PLPPR4: variants seen among roughly 807,000 people sequenced by gnomAD.
PLPPR4 encodes the protein phospholipid phosphatase related 4.
Under a neutral mutation model 56.6 loss-of-function variants are expected in PLPPR4, and 24 were observed. The ratio of observed to expected loss-of-function variants is 0.42; its 90% CI spans 0.31 to 0.60. The LOEUF is 0.60. Among genes scored for constraint, PLPPR4 ranks in the 20% least tolerant of loss-of-function variants. The pLI is 0.13. For synonymous variants in PLPPR4, 326 were observed against 328.1 expected (o/e 0.99, Z 0.07); for missense variants, 654 against 885.8 (o/e 0.74, Z 3.32).
rs138314790 is a variant in PLPPR4, at chr1:99,283,423, G to T, written c.79-4542G>T. ...TTTGATAAAATGTTTCACTAAAATG[G>T]ATATATAATCTAGATTTGTCTTTTT... is the stretch of plus-strand genomic sequence containing the variant. On this transcript the variant is annotated intron_variant, in intron 1 of 6. Coordinates refer to ENST00000370185, the MANE Select transcript of PLPPR4 (RefSeq NM_014839.5). Among the ~76,000 whole-genome samples, 7 of 152,236 alleles carry T rather than the reference G, an allele frequency of 4.6e-5. No homozygotes were observed. The East Asian group carries it at 1.4e-3, about 29-fold the overall frequency.
At position 99,293,045 on chromosome 1, in the gene PLPPR4, G is replaced by A. The variant is rs185847516; in HGVS notation, c.265-3693G>A. On this transcript the variant is annotated intron_variant, in intron 2 of 6. Coordinates refer to ENST00000370185, the MANE Select transcript of PLPPR4 (RefSeq NM_014839.5). ...AAAAATGGGGTCATGAGAGGGGGTA[G>A]GGAGGTAAGCAGAACTCTCCGTTTG... Among the ~76,000 whole-genome samples the A allele has an allele frequency of 5.3e-5, 8 of 152,284 alleles. No homozygotes were observed. The East Asian group carries it at 9.7e-4, about 18-fold the overall frequency.
chr1:99,280,069 C>T (rs1010467926), intron 1 of PLPPR4, among the ~76,000 whole-genome samples: 2 of 152,092 alleles, frequency 1.3e-5, no homozygotes, highest in East Asian at 1.9e-4. Context: ...AACAGAGTGG[C>T]GTTTTTCAAA....
chr1:99,299,032 T>C lies in PLPPR4; in HGVS notation c.395-3T>C, dbSNP rs1449514688. The stretch of plus-strand genomic sequence containing the variant: ...GTAACAATTTCTTTCATTTTGCCTA[T>C]AGGTGTTCATGTATTTGGATTATGC... On this transcript the variant is annotated splice_polypyrimidine_tract_variant and splice_region_variant and intron_variant, in intron 3 of 6. Coordinates refer to ENST00000370185, the MANE Select transcript of PLPPR4 (RefSeq NM_014839.5). The C allele has an allele frequency of 1.9e-6, 3 of 1,610,214 alleles. No individual in the cohort carries two copies. The highest frequency in any genetic ancestry group is 8.5e-7 in the Non-Finnish European group (1 of 1,176,662).
At chr1:99,305,455 G>A (rs752903412) in intron 6 of PLPPR4, among the ~76,000 whole-genome samples, 53 of 152,172 alleles carry the variant, frequency 3.5e-4, no homozygotes, top group Non-Finnish European at 7.1e-4. Flanking sequence ...ACATCCAGTA[G>A]GATGGAGAAA....
Position 99,307,003 on chromosome 1 carries a change from A to G in PLPPR4, c.2141A>G (p.Lys714Arg). The G allele has an allele frequency of 1.3e-6, 2 of 1,593,272 alleles. No homozygotes were observed. Among genetic ancestry groups the G allele is most frequent in the Admixed American group, 3.4e-5 (2 of 59,024 alleles). ...YKGTSPTRAY[K>R]D Reference sequence around the variant, plus strand: ...GGAACCTCCCCCACACGGGCTTATAAGGATTGAGTGATGTCCATTCCATCA... The same window carrying G: ...GGAACCTCCCCCACACGGGCTTATAGGGATTGAGTGATGTCCATTCCATCA... Residue 714 changes from lysine to arginine, a missense_variant, in exon 7 of 7, where the codon AAG becomes AGG. Coordinates refer to ENST00000370185, the MANE Select transcript of PLPPR4 (RefSeq NM_014839.5).
chr1:99,289,717 C>T (rs1004751693), intron 2 of PLPPR4, among the ~76,000 whole-genome samples: 8 of 151,926 alleles, frequency 5.3e-5, no homozygotes, highest in South Asian at 2.1e-4. Context: ...TCAATAGATG[C>T]GGAAAAGGTT....
chr1:99,283,315 C>T (rs1339979233), intron 1 of PLPPR4, among the ~76,000 whole-genome samples: 1 of 152,026 alleles, frequency 6.6e-6, no homozygotes, highest in Non-Finnish European at 1.5e-5. Context: ...AGTGAACTCT[C>T]CCCAGTGAAA....
chr1:99,280,460 C>A (rs1156416234), intron 1 of PLPPR4, among the ~76,000 whole-genome samples: 1 of 152,122 alleles, frequency 6.6e-6, no homozygotes, highest in Non-Finnish European at 1.5e-5. Context: ...TTCTTGATTT[C>A]TTTCAATTAA....
rs1210021229 is a variant in PLPPR4, at chr1:99,307,169, A to C, written c.*159A>C. 1.2e-6 allele frequency: 1 copy of C among 808,256 alleles called. No homozygotes were observed. Among genetic ancestry groups the C allele is most frequent in the Non-Finnish European group, 1.9e-6 (1 of 517,988 alleles). The allele number at this position is 808,256 out of a possible 1,614,324, so 50.1% of individuals were successfully genotyped here. A position where few individuals can be genotyped will look rare whatever the true frequency, so the allele number is the denominator to read the frequency against. On this transcript the variant is annotated 3_prime_UTR_variant, in exon 7 of 7. Coordinates refer to ENST00000370185, the MANE Select transcript of PLPPR4 (RefSeq NM_014839.5). ...AGAACTGCTATACTCAAACTTGCAG[A>C]TCTCACATCAAGGAGAGGGAAAAGC...
chr1:99,281,816 T>A (rs1659335433), intron 1 of PLPPR4, among the ~76,000 whole-genome samples: 1 of 152,212 alleles, frequency 6.6e-6, no homozygotes, highest in African/African-American at 2.4e-5. Context: ...TTTATAAAGT[T>A]GGTTCCAAGC....
At chr1:99,281,576 T>C (rs1423645621) in intron 1 of PLPPR4, among the ~76,000 whole-genome samples, 1 of 152,160 alleles carries the variant, frequency 6.6e-6, no homozygotes, top group Non-Finnish European at 1.5e-5. Context: ...AAGAAAATAT[T>C]AATCTGTATT....
chr1:99,269,839 T>C (rs1659004320), intron 1 of PLPPR4, among the ~76,000 whole-genome samples: 4 of 152,290 alleles, frequency 2.6e-5, no homozygotes, highest in Admixed American at 2.6e-4. Context: ...GACACATATG[T>C]ATGCACACAC....
chr1:99,305,977 C>T lies in PLPPR4; in HGVS notation c.1115C>T (p.Ala372Val). 1.2e-6 allele frequency: 2 copies of T among 1,614,130 alleles called. No individual in the cohort carries two copies. Among genetic ancestry groups the T allele is most frequent in the African/African-American group, 1.3e-5 (1 of 75,020 alleles). The change falls in exon 7 of 7, where the codon GCC becomes GTC. Residue 372 changes from alanine to valine, a missense_variant. Transcript: ENST00000370185. ...MVTFSNTLPR[A>V]NTPSVEDPVR... Reference sequence around the variant, plus strand: ...ACCTTCAGCAATACCTTGCCGCGAGCCAATACCCCATCTGTAGAAGACCCT... The same window carrying T: ...ACCTTCAGCAATACCTTGCCGCGAGTCAATACCCCATCTGTAGAAGACCCT...
Position 99,306,091 on chromosome 1 carries a change from G to T in PLPPR4, c.1229G>T (p.Arg410Leu). 1 of 1,614,112 alleles carries T rather than the reference G, an allele frequency of 6.2e-7. No individual in the cohort carries two copies. The highest frequency in any genetic ancestry group is 8.5e-7 in the Non-Finnish European group (1 of 1,180,016). ...LTQWKNKNES[R>L]KLSLQVIEPE... ...CAGTGGAAGAATAAGAATGAAAGTC[G>T]AAAGTTGTCCTTGCAAGTTATAGAG... is the stretch of plus-strand genomic sequence containing the variant. The change falls in exon 7 of 7, where the codon CGA becomes CTA. Residue 410 changes from arginine (R) to leucine (L), a missense_variant. This residue lies in a region of PLPPR4 where 468 missense variants were observed against 554.3 expected (regional missense o/e 0.84). Coordinates refer to ENST00000370185, the MANE Select transcript of PLPPR4 (RefSeq NM_014839.5). This position sits in a 1 kb window ranked among gnomAD's most constrained non-coding sequence, Gnocchi z 4.0.
chr1:99,264,998 G>A (rs1348644711), intron 1 of PLPPR4, among the ~76,000 whole-genome samples: 1 of 152,232 alleles, frequency 6.6e-6, no homozygotes, highest in African/African-American at 2.4e-5. Context: ...CCCCAGAGGG[G>A]CCATGATGCC....
chr1:99,304,880 A>G (rs766356473), intron 6 of PLPPR4, among the ~76,000 whole-genome samples: 6 of 152,138 alleles, frequency 3.9e-5, no homozygotes, highest in Non-Finnish European at 7.3e-5. Flanking sequence ...TAGATCTTCT[A>G]TGTGCCAAAA....
chr1:99,288,493 C>A (rs182813294), intron 2 of PLPPR4, among the ~76,000 whole-genome samples: 17 of 152,112 alleles, frequency 1.1e-4, no homozygotes, highest in Admixed American at 8.5e-4. Context: ...TATTTAGTAT[C>A]TGAAGCCTGA....
intron 6 of PLPPR4, among the ~76,000 whole-genome samples, 185 bp from the exon 7 acceptor site, chr1:99,305,500 G>A (rs1228545769): frequency 1.3e-5 from 2 of 152,158 alleles, no homozygotes; most frequent in African/African-American, 4.8e-5. Flanking sequence ...AATTCATGCA[G>A]CGATTTATGA....
chr1:99,306,670 C>T lies in PLPPR4; in HGVS notation c.1808C>T (p.Ala603Val). 1 of 1,614,110 alleles carries T rather than the reference C, an allele frequency of 6.2e-7. No homozygotes were observed. Among genetic ancestry groups the T allele is most frequent in the South Asian group, 1.1e-5 (1 of 91,076 alleles). Residue 603 changes from alanine (A) to valine (V), a missense_variant, in exon 7 of 7, where the codon GCC (alanine) becomes GTC (valine). Around this residue, in one of 2 missense-constraint regions of PLPPR4, gnomAD observed 468 missense variants for 554.3 expected, o/e 0.84. Coordinates refer to ENST00000370185, the MANE Select transcript of PLPPR4 (RefSeq NM_014839.5). This position sits in a 1 kb window ranked among gnomAD's most constrained non-coding sequence, Gnocchi z 4.0. ...GGCAGTGGCTCCTGGAAGTGGAAAGCCCCTGAAAAGGGCAGCCTTCGCCAA... is the reference window on the plus strand; with the variant it reads ...GGCAGTGGCTCCTGGAAGTGGAAAGTCCCTGAAAAGGGCAGCCTTCGCCAA... Reference protein sequence around the residue: ...GEGSGSWKWKAPEKGSLRQTY... With the variant: ...GEGSGSWKWKVPEKGSLRQTY...
Sources: gnomAD v4.1 joint callset for allele counts (sites outside exome capture counted in the v4.1 genomes callset) on GRCh38, gnomAD v4.1.1 for gene constraint, gnomAD v4.1.1 regional missense constraint, Gnocchi (gnomAD v3.1) non-coding constraint, MANE v1.5 for transcripts, NCBI Gene and HGNC (gene_info 2026-07-23, HGNC 2026-07-21) for gene names.